Variants in EPM2A observed in about 807,000 individuals in gnomAD.
EPM2A encodes laforin.
EPM2A carries 21 observed loss-of-function variants against 26.5 expected under a neutral mutation model. That is an observed-to-expected ratio of 0.79 (90% CI 0.56 to 1.14). The LOEUF is 1.14. EPM2A is among the 50% of genes most tolerant of loss of function. The probability of loss-of-function intolerance (pLI) is 0.00; values close to 1 mark genes in which losing one functional copy is unlikely to be tolerated. For synonymous variants in EPM2A, 217 were observed against 177.6 expected (o/e 1.22, Z -1.76); for missense variants, 458 against 440.8 (o/e 1.04, Z -0.35).
intron 4 of EPM2A, among the ~76,000 whole-genome samples, chr6:145,486,281 A>C (rs909613615): frequency 6.6e-6 from 1 of 152,174 alleles, no homozygotes; most frequent in Non-Finnish European, 1.5e-5. Flanking sequence ...GGTGCTAAGG[A>C]TACTCACCTC....
intron 2 of EPM2A, chr6:145,638,972 ACTCAT>A (rs979196303): frequency 2.0e-5 from 3 of 152,196 alleles, no homozygotes; most frequent in Non-Finnish European, 4.4e-5. Flanking sequence ...ATTCATTTTT[ACTCAT>A]CTCATCTCAG....
chr6:145,712,825 C>T (rs1023917487), intron 1 of EPM2A, among the ~76,000 whole-genome samples: 1 of 152,148 alleles, frequency 6.6e-6, no homozygotes, highest in Non-Finnish European at 1.5e-5. Flanking sequence ...AGGCATCCAC[C>T]TTACTGTCCT....
downstream of EPM2A, among the ~76,000 whole-genome samples, chr6:145,497,514 G>T (rs1779836766): frequency 8.0e-6 from 1 of 125,136 alleles, no homozygotes; most frequent in Non-Finnish European, 1.8e-5. Flanking sequence ...CAGTCAGGAG[G>T]AATGGGATCA....
chr6:145,396,075 G>A (rs760968495), intron 4 of EPM2A, among the ~76,000 whole-genome samples: 11 of 152,198 alleles, frequency 7.2e-5, no homozygotes, highest in Non-Finnish European at 1.3e-4. Context: ...TGAAGAGCCT[G>A]TTAAGAACGA....
chr6:145,642,354 A>G (rs190310862), intron 2 of EPM2A, among the ~76,000 whole-genome samples: 1 of 152,312 alleles, frequency 6.6e-6, no homozygotes, highest in East Asian at 1.9e-4. Context: ...TGAATTAGGA[A>G]GCACAAAAGA....
At chr6:145,611,732 G>A (rs1775396100) in intron 2 of EPM2A, among the ~76,000 whole-genome samples, 1 of 152,048 alleles carries the variant, frequency 6.6e-6, no homozygotes. Flanking sequence ...ATTACTTTCT[G>A]AGAACTGCAG....
chr6:145,591,269 A>T (rs1045547998), intron 2 of EPM2A, among the ~76,000 whole-genome samples: 1 of 152,126 alleles, frequency 6.6e-6, no homozygotes, highest in African/African-American at 2.4e-5. Context: ...AAGGCAAAAT[A>T]AATAAAAAAA....
At chr6:145,615,517 G>C (rs544581490) in intron 2 of EPM2A, among the ~76,000 whole-genome samples, 6 of 152,138 alleles carry the variant, frequency 3.9e-5, no homozygotes, top group African/African-American at 1.4e-4. Context: ...GTAGAGTGGG[G>C]TGCTGCTGTA....
intron 4 of EPM2A, among the ~76,000 whole-genome samples, chr6:145,414,463 C>A (rs143450866): frequency 6.6e-6 from 1 of 152,176 alleles, no homozygotes; most frequent in East Asian, 1.9e-4. Flanking sequence ...ATCTTCAAAA[C>A]TAATCTAGGC....
At chr6:145,677,208 A>G (rs937868267) in intron 2 of EPM2A, among the ~76,000 whole-genome samples, 3 of 152,254 alleles carry the variant, frequency 2.0e-5, no homozygotes, top group Non-Finnish European at 4.4e-5. Context: ...ATAGAAGCAG[A>G]AAATGCCTTC....
At chr6:145,627,793 G>A in intron 3 of EPM2A, 100 bp from the exon 4 acceptor site, 1 of 1,501,508 alleles carries the variant, frequency 6.7e-7, no homozygotes. Flanking sequence ...GGGCTGCACA[G>A]GGCCAGGCAG....
At chr6:145,725,702 T>C (rs1216984056) in intron 1 of EPM2A, among the ~76,000 whole-genome samples, 1 of 151,952 alleles carries the variant, frequency 6.6e-6, no homozygotes, top group Non-Finnish European at 1.5e-5. Flanking sequence ...TTATTTGACA[T>C]TGTGGAAAGG....
At chr6:145,678,219 T>C (rs886865782) in intron 2 of EPM2A, among the ~76,000 whole-genome samples, 1 of 152,200 alleles carries the variant, frequency 6.6e-6, no homozygotes, top group Non-Finnish European at 1.5e-5. Context: ...GAAAACTGGC[T>C]AGCAGTATGT....
At chr6:145,403,428 C>T (rs1017930326) in intron 4 of EPM2A, among the ~76,000 whole-genome samples, 1 of 150,596 alleles carries the variant, frequency 6.6e-6, no homozygotes, top group Non-Finnish European at 1.5e-5. Flanking sequence ...CTACACTACC[C>T]TTCCAAGCCT....
At chr6:145,434,360 C>G (rs1778962086) in intron 4 of EPM2A, among the ~76,000 whole-genome samples, 1 of 151,694 alleles carries the variant, frequency 6.6e-6, no homozygotes, top group African/African-American at 2.4e-5. Context: ...ACCTCCTGGG[C>G]TCAGGTGATC....
At position 145,401,948 on chromosome 6, in the gene EPM2A, A is replaced by G. The variant is rs1778495976; in HGVS notation, c.556-17851T>C. On this transcript the variant is annotated intron_variant, in intron 4 of 4. Coordinates refer to the EPM2A transcript ENST00000638717. ...AGAGAGAAGGAAACACTCTTCCTAGATTAGAAAGCCATCTCGTACATAATT... is the reference window on the plus strand; with the variant it reads ...AGAGAGAAGGAAACACTCTTCCTAGGTTAGAAAGCCATCTCGTACATAATT... 2.0e-5 allele frequency among the ~76,000 whole-genome samples: 3 copies of G among 152,262 alleles called. No homozygotes were observed. In the South Asian group the frequency reaches 6.2e-4, roughly 32 times the overall value.
chr6:145,471,886 G>C (rs777432668), intron 4 of EPM2A, among the ~76,000 whole-genome samples: 27 of 151,860 alleles, frequency 1.8e-4, no homozygotes, highest in Non-Finnish European at 3.2e-4. Context: ...AGTAGACTAG[G>C]GAGGCATGTT....
intron 2 of EPM2A, among the ~76,000 whole-genome samples, chr6:145,658,676 C>T (rs1490858600): frequency 6.6e-6 from 1 of 151,910 alleles, no homozygotes; most frequent in Non-Finnish European, 1.5e-5. Context: ...TTTCACAAAT[C>T]AAAATAAGTT....
intron 2 of EPM2A, among the ~76,000 whole-genome samples, chr6:145,575,132 G>A (rs1781013582): frequency 2.6e-5 from 4 of 152,102 alleles, no homozygotes. Flanking sequence ...TGTGTCCTCA[G>A]GCAGCACAGG....
Sources: allele counts gnomAD v4.1 joint callset (sites outside exome capture counted in the v4.1 genomes callset), GRCh38; gene constraint gnomAD v4.1.1; transcripts MANE v1.5; gene names NCBI Gene and HGNC (gene_info 2026-07-23, HGNC 2026-07-21).